The following WDFY3 variants were observed in gnomAD, a reference collection of about 807,000 sequenced individuals.
WDFY3 encodes the protein WD repeat and FYVE domain-containing protein 3.
In WDFY3, 66 loss-of-function variants were observed where a neutral mutation model predicts 409.6. That is an observed-to-expected ratio of 0.16 (90% confidence interval 0.13 to 0.20). The LOEUF is 0.20. WDFY3 is among the 10% of genes least tolerant of loss of function. The probability of loss-of-function intolerance (pLI) is 1.00; values close to 1 mark genes in which losing one functional copy is unlikely to be tolerated. For missense variants in WDFY3, 3,031 were observed against 4,298.1 expected (o/e 0.71, Z 8.24); for synonymous variants, 1,521 against 1,537.1 (o/e 0.99, Z 0.25).
chr4:84,861,006 C>G (rs1388678828), intron 3 of WDFY3, among the ~76,000 whole-genome samples: 1 of 152,038 alleles, frequency 6.6e-6, no homozygotes, highest in Admixed American at 6.6e-5. Context: ...AGCTCAGGAG[C>G]TCGAGACCAG....
At chr4:84,810,469 T>A in intron 13 of WDFY3, 125 bp from the exon 14 acceptor site, 1 of 822,944 alleles carries the variant, frequency 1.2e-6, no homozygotes, top group Non-Finnish European at 1.8e-6. Flanking sequence ...ATTTACCCAA[T>A]AAACGGTCCT....
At chr4:84,935,339 T>TA (rs1771279556) in intron 1 of WDFY3, among the ~76,000 whole-genome samples, 4 of 152,206 alleles carry the variant, frequency 2.6e-5, no homozygotes. Flanking sequence ...TACCAAAAGG[T>TA]AGTAGCAGAA....
intron 10 of WDFY3, among the ~76,000 whole-genome samples, chr4:84,824,611 C>T (rs1754585211): frequency 6.6e-6 from 1 of 152,132 alleles, no homozygotes; most frequent in African/African-American, 2.4e-5. Flanking sequence ...GGACTGACTG[C>T]AAGGAGAACA....
intron 30 of WDFY3, among the ~76,000 whole-genome samples, chr4:84,770,938 T>C (rs1744578998): frequency 6.6e-6 from 1 of 152,244 alleles, no homozygotes; most frequent in South Asian, 2.1e-4. Flanking sequence ...AATTTGCTTC[T>C]GACTTTATTA....
intron 15 of WDFY3, among the ~76,000 whole-genome samples, chr4:84,807,991 A>G (rs1300184504): frequency 6.6e-6 from 1 of 152,146 alleles, no homozygotes; most frequent in African/African-American, 2.4e-5. Context: ...AAAGTGGAAA[A>G]GTATTCTACT....
At chr4:84,736,994 T>TAAAAAAAAAAAAAAAAA (rs200364139) in intron 41 of WDFY3, among the ~76,000 whole-genome samples, 190 bp downstream of exon 41, 1 of 114,554 alleles carries the variant, frequency 8.7e-6, no homozygotes. Flanking sequence ...CCTCAGATGC[T>TAAAAAAAAAAAAAAAAA]AAAAAAAAAA....
chr4:84,887,965 T>C lies in WDFY3; in HGVS notation c.-32+8946A>G, dbSNP rs1457408381. 1.3e-5 allele frequency among the ~76,000 whole-genome samples: 2 copies of C among 152,232 alleles called. 1 individual carries two copies. The highest frequency in any genetic ancestry group is 6.3e-3 in the Middle Eastern group (2 of 316). ...ACCCACAAAACCCATGTTTACTTTG[T>C]GTATCTTCCACCAAGGGTGTAACCA... On this transcript the variant is annotated intron_variant, in intron 3 of 67. Coordinates refer to ENST00000295888, the MANE Select transcript of WDFY3 (RefSeq NM_014991.6).
intron 67 of WDFY3, among the ~76,000 whole-genome samples, chr4:84,675,285 C>T (rs1726082247): frequency 6.6e-6 from 1 of 151,864 alleles, no homozygotes; most frequent in African/African-American, 2.4e-5. Flanking sequence ...GCAGGCCTTT[C>T]AAAGCACAGA....
At chr4:84,681,636 C>G (rs1727363762) in intron 64 of WDFY3, among the ~76,000 whole-genome samples, 1 of 152,176 alleles carries the variant, frequency 6.6e-6, no homozygotes, top group African/African-American at 2.4e-5. Flanking sequence ...TCTCAGTGCA[C>G]AAAAGCCAAT....
intron 1 of WDFY3, among the ~76,000 whole-genome samples, chr4:84,934,718 A>G (rs1771195685): frequency 6.6e-6 from 1 of 152,144 alleles, no homozygotes; most frequent in Non-Finnish European, 1.5e-5. Context: ...TAATAGAATG[A>G]ACATCCAGAT....
intron 6 of WDFY3, among the ~76,000 whole-genome samples, chr4:84,840,895 C>A (rs1038021327): frequency 6.6e-6 from 1 of 151,958 alleles, no homozygotes; most frequent in Non-Finnish European, 1.5e-5. Flanking sequence ...ATGGTTATGT[C>A]CTATGTGTGT....
At position 84,926,765 on chromosome 4, in the gene WDFY3, T is replaced by A. The variant is rs1770048723; in HGVS notation, c.-132+5505A>T. 2.6e-5 allele frequency among the ~76,000 whole-genome samples: 4 copies of A among 152,276 alleles called. 1 individual carries two copies. In the South Asian group the frequency reaches 8.3e-4, roughly 32 times the overall value. On this transcript the variant is annotated intron_variant, in intron 2 of 67. Coordinates refer to ENST00000295888, the MANE Select transcript of WDFY3 (RefSeq NM_014991.6). ...TCAGCTCAGTATCCTGGTAACAGCA[T>A]CCTAAGAGCATAAGCTTAAACCTTC...
intron 7 of WDFY3, among the ~76,000 whole-genome samples, chr4:84,832,738 A>T (rs1755925810): frequency 6.6e-6 from 1 of 152,170 alleles, no homozygotes; most frequent in African/African-American, 2.4e-5. Flanking sequence ...CTGATTTTTT[A>T]AAAAACATTT....
chr4:84,858,989 GGAA>G (rs1298879873), intron 4 of WDFY3, among the ~76,000 whole-genome samples: 2 of 151,574 alleles, frequency 1.3e-5, no homozygotes, highest in Non-Finnish European at 2.9e-5. Context: ...CAGACAGATA[GGAA>G]GAAAGAAATG....
chr4:84,948,698 T>C (rs1228761467), intron 1 of WDFY3, among the ~76,000 whole-genome samples: 1 of 152,170 alleles, frequency 6.6e-6, no homozygotes, highest in Non-Finnish European at 1.5e-5. Flanking sequence ...CTGCTGTCCT[T>C]TTCCTGTTTA....
chr4:84,882,448 G>C (rs562616298), intron 3 of WDFY3, among the ~76,000 whole-genome samples: 54 of 152,244 alleles, frequency 3.5e-4, no homozygotes, highest in African/African-American at 1.3e-3. Flanking sequence ...ATAGAATGAA[G>C]CAGAGACTCT....
intron 1 of WDFY3, among the ~76,000 whole-genome samples, chr4:84,940,646 T>C (rs927114491): frequency 4.6e-5 from 7 of 151,994 alleles, no homozygotes; most frequent in African/African-American, 1.4e-4. Flanking sequence ...ACAATCCAGA[T>C]TGAAGAAAGC....
chr4:84,932,565 C>T (rs1770895822), intron 1 of WDFY3, among the ~76,000 whole-genome samples: 1 of 152,136 alleles, frequency 6.6e-6, no homozygotes, highest in Non-Finnish European at 1.5e-5. Flanking sequence ...CTGGTCTCTA[C>T]AGACCATCTG....
intron 2 of WDFY3, among the ~76,000 whole-genome samples, chr4:84,903,687 CT>C (rs1766630855): frequency 6.6e-6 from 1 of 152,118 alleles, no homozygotes; most frequent in African/African-American, 2.4e-5. Flanking sequence ...CAAACCTCAC[CT>C]TAGAGTTTCA....
Sources: allele counts gnomAD v4.1 joint callset (sites outside exome capture counted in the v4.1 genomes callset), GRCh38; gene constraint gnomAD v4.1.1; transcripts MANE v1.5; gene names NCBI Gene and HGNC (gene_info 2026-07-23, HGNC 2026-07-21).